Variants in FMN1 observed in about 807,000 individuals in gnomAD.
FMN1 encodes formin 1, also known as formin-1.
Under a neutral mutation model 132.4 loss-of-function variants are expected in FMN1, and 110 were observed. The observed-to-expected ratio is 0.83, with a 90% CI of 0.71 to 0.97. The LOEUF (loss-of-function observed/expected upper bound fraction) is 0.97. Among genes scored for constraint, FMN1 ranks in the 50% least tolerant of loss-of-function variants. The probability of loss-of-function intolerance (pLI) is 0.00; values close to 1 mark genes in which losing one functional copy is unlikely to be tolerated. For synonymous variants in FMN1, 722 were observed against 651.7 expected (o/e 1.11, Z -1.64); for missense variants, 1,792 against 1,705.3 (o/e 1.05, Z -0.90).
chr15:32,861,659 G>A (rs1257264557), intron 16 of FMN1, among the ~76,000 whole-genome samples: 3 of 152,230 alleles, frequency 2.0e-5, no homozygotes, highest in African/African-American at 7.2e-5. Flanking sequence ...GGTCAGAACA[G>A]CAAGAGAGTC....
chr15:32,840,972 A>C (rs995327503), intron 17 of FMN1, among the ~76,000 whole-genome samples: 2 of 152,228 alleles, frequency 1.3e-5, no homozygotes, highest in Non-Finnish European at 2.9e-5. Context: ...TATTACACAG[A>C]AAGAGGGACT....
intron 4 of FMN1, among the ~76,000 whole-genome samples, chr15:33,101,097 T>G (rs2039276807): frequency 6.6e-6 from 1 of 152,126 alleles, no homozygotes; most frequent in African/African-American, 2.4e-5. Context: ...ACTATTAATT[T>G]TATAATCAGA....
At chr15:32,888,863 T>G (rs1367696364) in intron 15 of FMN1, among the ~76,000 whole-genome samples, 2 of 99,734 alleles carry the variant, frequency 2.0e-5, no homozygotes, top group East Asian at 6.4e-4. Flanking sequence ...ACAGGTTTTT[T>G]TTTTTTTTTT....
chr15:32,989,273 G>A (rs1201464013), intron 7 of FMN1, among the ~76,000 whole-genome samples: 1 of 152,186 alleles, frequency 6.6e-6, no homozygotes, highest in Non-Finnish European at 1.5e-5. Context: ...GAAGGTAGGT[G>A]GAGGTACCTC....
In FMN1 at chr15:32,768,056, C is replaced by G. The variant is rs1381074902; in HGVS notation, c.*6254G>C. On this transcript the variant is annotated 3_prime_UTR_variant, in exon 21 of 21. Coordinates refer to ENST00000616417, the MANE Select transcript of FMN1 (RefSeq NM_001277313.2). ...TCTAAAATGTAAAGATTTCAAATGT[C>G]CTTTTAGTCCCTTACTGGGAAGAGC... The G allele has an allele frequency of 6.6e-6, 1 of 152,146 alleles. No individual in the cohort carries two copies. The highest frequency in any genetic ancestry group is 2.4e-5 in the African/African-American group (1 of 41,426). 9.4% of individuals were successfully genotyped at this position (152,146 alleles called of 1,614,324 possible).
intron 16 of FMN1, among the ~76,000 whole-genome samples, chr15:32,859,677 G>A (rs1407277990): frequency 6.6e-6 from 1 of 152,154 alleles, no homozygotes; most frequent in African/African-American, 2.4e-5. Context: ...AAGTCATCAT[G>A]CAGGATTCAT....
chr15:33,004,973 G>C (rs1303227725), intron 7 of FMN1, among the ~76,000 whole-genome samples: 1 of 152,094 alleles, frequency 6.6e-6, no homozygotes, highest in South Asian at 2.1e-4. Context: ...CTCACTCATA[G>C]GTGGGACTTG....
chr15:33,169,486 G>T (rs1470839684), intron 3 of FMN1, among the ~76,000 whole-genome samples: 2 of 152,078 alleles, frequency 1.3e-5, no homozygotes, highest in Non-Finnish European at 2.9e-5. Context: ...TGAGACAAAT[G>T]GCTACTGTTG....
chr15:33,023,933 C>T (rs345856), intron 6 of FMN1, among the ~76,000 whole-genome samples: 59,870 of 151,638 alleles, frequency 0.39, 12,117 homozygotes, highest in Admixed American at 0.48. Context: ...TAAAATATAC[C>T]AGAATCGTGT....
chr15:32,786,436 A>G (rs1043355045), intron 19 of FMN1, among the ~76,000 whole-genome samples: 1 of 152,170 alleles, frequency 6.6e-6, no homozygotes, highest in Non-Finnish European at 1.5e-5. Context: ...GACAGCTTCT[A>G]TGAGCAAATA....
intron 17 of FMN1, among the ~76,000 whole-genome samples, chr15:32,848,312 G>T (rs924521449): frequency 4.0e-5 from 6 of 149,994 alleles, no homozygotes; most frequent in African/African-American, 1.5e-4. Flanking sequence ...GAACGGAGGG[G>T]TTCCAGCAGG....
chr15:33,126,805 C>T (rs1329399372), intron 4 of FMN1, among the ~76,000 whole-genome samples: 1 of 152,212 alleles, frequency 6.6e-6, no homozygotes, highest in Non-Finnish European at 1.5e-5. Context: ...GAAACCCGAA[C>T]TCTTTTCGAT....
chr15:33,114,288 A>G (rs2039826116), intron 4 of FMN1, among the ~76,000 whole-genome samples: 1 of 152,262 alleles, frequency 6.6e-6, no homozygotes, highest in African/African-American at 2.4e-5. Flanking sequence ...GAAGCAGCTC[A>G]GGACTCTAAA....
chr15:32,912,414 T>G (rs1213973551), intron 10 of FMN1, among the ~76,000 whole-genome samples: 1 of 152,240 alleles, frequency 6.6e-6, no homozygotes, highest in African/African-American at 2.4e-5. Context: ...ATTTGTTGGA[T>G]GTGTACAGGA....
At chr15:32,985,057 G>T (rs1311726939) in intron 7 of FMN1, among the ~76,000 whole-genome samples, 3 of 148,700 alleles carry the variant, frequency 2.0e-5, no homozygotes, top group African/African-American at 7.5e-5. Context: ...ATCCCCCATT[G>T]TATTCATTAA....
intron 5 of FMN1, among the ~76,000 whole-genome samples, chr15:33,085,136 G>A (rs777060226): frequency 6.6e-6 from 1 of 152,040 alleles, no homozygotes; most frequent in African/African-American, 2.4e-5. Flanking sequence ...TAAGCTATTG[G>A]GAAACAGGTG....
intron 9 of FMN1, among the ~76,000 whole-genome samples, chr15:32,929,175 A>G (rs771917815): frequency 2.6e-5 from 4 of 152,214 alleles, no homozygotes; most frequent in Non-Finnish European, 4.4e-5. Context: ...GCAGCTAAGC[A>G]GTGGTGAAGT....
chr15:32,865,338 C>G (rs926918082), intron 16 of FMN1, among the ~76,000 whole-genome samples: 2 of 152,048 alleles, frequency 1.3e-5, no homozygotes, highest in Non-Finnish European at 2.9e-5. Context: ...CTATAATGAA[C>G]AGATAAATGA....
intron 4 of FMN1, among the ~76,000 whole-genome samples, chr15:33,091,288 T>C (rs1435865102): frequency 2.0e-5 from 3 of 152,170 alleles, no homozygotes; most frequent in African/African-American, 7.2e-5. Context: ...CATGCATGCA[T>C]ATTTATGCAA....
Sources: allele counts gnomAD v4.1 joint callset (sites outside exome capture counted in the v4.1 genomes callset), GRCh38; gene constraint gnomAD v4.1.1; transcripts MANE v1.5; gene names NCBI Gene and HGNC (gene_info 2026-07-23, HGNC 2026-07-21).